ACOT7: variants seen among roughly 807,000 people sequenced by gnomAD.
The protein encoded by ACOT7 is acyl-CoA thioesterase 7.
Under a neutral mutation model 40.2 loss-of-function variants are expected in ACOT7, and 12 were observed. That is an observed-to-expected ratio of 0.30 (90% CI 0.19 to 0.48). ACOT7 has a LOEUF of 0.48. Ranked by LOEUF, ACOT7 falls within the 20% of genes least tolerant of loss-of-function variation. ACOT7 has a pLI of 0.99. For synonymous variants in ACOT7, 228 were observed against 219.5 expected (o/e 1.04, Z -0.34); for missense variants, 395 against 530.8 (o/e 0.74, Z 2.51).
At chr1:6,293,562 GT>G (rs1430731708) in intron 7 of ACOT7, among the ~76,000 whole-genome samples, 3 of 152,222 alleles carry the variant, frequency 2.0e-5, no homozygotes, top group Non-Finnish European at 4.4e-5. Flanking sequence ...TTAGCTGGTT[GT>G]GGTGGTGCAT....
intron 6 of ACOT7, among the ~76,000 whole-genome samples, chr1:6,314,467 C>T (rs1203080326): frequency 1.3e-5 from 2 of 152,056 alleles, no homozygotes; most frequent in Non-Finnish European, 2.9e-5. Context: ...AATGCATGCT[C>T]AAGACTCCTC....
intron 5 of ACOT7, among the ~76,000 whole-genome samples, chr1:6,326,915 T>C (rs774027674): frequency 3.3e-4 from 43 of 130,210 alleles, no homozygotes; most frequent in Middle Eastern, 0.011. Context: ...TTGTGTGACA[T>C]AGCAAGACTC....
At chr1:6,366,742 G>A (rs548730801) in intron 1 of ACOT7, among the ~76,000 whole-genome samples, 1 of 150,996 alleles carries the variant, frequency 6.6e-6, no homozygotes, top group South Asian at 2.1e-4. Context: ...TGCAACCTCC[G>A]TCTCCCGAGT....
At chr1:6,369,375 C>A (rs1242860736) in intron 1 of ACOT7, among the ~76,000 whole-genome samples, 1 of 151,274 alleles carries the variant, frequency 6.6e-6, no homozygotes, top group Non-Finnish European at 1.5e-5. Context: ...ACTATGGCAG[C>A]CAGAGCCCCA....
At position 6,278,664 on chromosome 1, in the gene ACOT7, C is replaced by T. The variant is rs567932577; in HGVS notation, c.1014+2438G>A. ...TTTGGGAGTCAATACAACACACAGG[C>T]GATGCTCGAGGCACAGACCATGGAT... On this transcript the variant is annotated intron_variant, in intron 8 of 8. Coordinates refer to ENST00000361521, the MANE Select transcript of ACOT7 (RefSeq NM_007274.4). This position sits in a 1 kb window ranked among gnomAD's most constrained non-coding sequence, Gnocchi z 4.1. Among the ~76,000 whole-genome samples the T allele has an allele frequency of 3.9e-5, 6 of 152,254 alleles. No homozygotes were observed. In the East Asian group the frequency reaches 7.7e-4, roughly 20 times the overall value.
intron 6 of ACOT7, among the ~76,000 whole-genome samples, chr1:6,318,025 C>T (rs1640544696): frequency 6.6e-6 from 1 of 152,052 alleles, no homozygotes; most frequent in Admixed American, 6.6e-5. Flanking sequence ...ACCTATGGCG[C>T]CCAGCCTGCC....
intron 8 of ACOT7, among the ~76,000 whole-genome samples, chr1:6,268,875 T>C (rs1638933996): frequency 1.3e-5 from 2 of 152,238 alleles, no homozygotes; most frequent in Non-Finnish European, 2.9e-5. Flanking sequence ...TTACCAGAGA[T>C]GTGACCACAG....
In ACOT7 at chr1:6,289,065, G is replaced by A. The variant is rs551320497; in HGVS notation, c.829+5799C>T. On this transcript the variant is annotated intron_variant, in intron 7 of 8. Transcript: ENST00000361521. The surrounding 1 kb of genome is among the most constrained non-coding windows in gnomAD (Gnocchi z 4.6). Reference sequence around the variant, plus strand: ...GGAGAAGCCACCCCACAGGTCTGGCGTCTCCATTCCGCATTCCCACTGTTT... The same window carrying A: ...GGAGAAGCCACCCCACAGGTCTGGCATCTCCATTCCGCATTCCCACTGTTT... Among the ~76,000 whole-genome samples the A allele has an allele frequency of 4.6e-5, 7 of 152,232 alleles. No individual in the cohort carries two copies. Among genetic ancestry groups the A allele is most frequent in the Admixed American group, 2.6e-4 (4 of 15,282 alleles).
At chr1:6,298,121 G>A (rs531711256) in intron 6 of ACOT7, among the ~76,000 whole-genome samples, 1 of 152,232 alleles carries the variant, frequency 6.6e-6, no homozygotes, top group South Asian at 2.1e-4. Flanking sequence ...TGTGCTGGGG[G>A]CATCAGCATC....
chr1:6,346,086 G>A (rs1194682303), intron 2 of ACOT7, among the ~76,000 whole-genome samples: 1 of 152,198 alleles, frequency 6.6e-6, no homozygotes, highest in Non-Finnish European at 1.5e-5. Context: ...AGGCCATCAG[G>A]GGCATGGCCG....
intron 7 of ACOT7, among the ~76,000 whole-genome samples, chr1:6,292,283 G>A (rs1396300687): frequency 6.6e-6 from 1 of 152,274 alleles, no homozygotes; most frequent in African/African-American, 2.4e-5. Flanking sequence ...GCCGAGACGA[G>A]GTGGGGGCCT....
intron 1 of ACOT7, among the ~76,000 whole-genome samples, chr1:6,373,494 G>A (rs958684051): frequency 2.6e-5 from 4 of 151,822 alleles, no homozygotes; most frequent in Admixed American, 1.3e-4. Context: ...CAGGTGATCC[G>A]CCTGCCTCGG....
intron 7 of ACOT7, among the ~76,000 whole-genome samples, chr1:6,286,680 C>G (rs914839734): frequency 6.6e-6 from 1 of 152,222 alleles, no homozygotes; most frequent in Non-Finnish European, 1.5e-5. Flanking sequence ...CCAGCCACGA[C>G]CCACTCACAG....
At chr1:6,312,794 T>C (rs1640376159) in intron 6 of ACOT7, among the ~76,000 whole-genome samples, 1 of 152,234 alleles carries the variant, frequency 6.6e-6, no homozygotes, top group Admixed American at 6.5e-5. Context: ...ATTGTGTGCC[T>C]GTATCAAACC....
chr1:6,273,386 G>C (rs1639091196), intron 8 of ACOT7, among the ~76,000 whole-genome samples: 1 of 152,222 alleles, frequency 6.6e-6, no homozygotes, highest in African/African-American at 2.4e-5. Flanking sequence ...GCTAACCAAT[G>C]AGGCGACAGG....
At chr1:6,310,666 C>T (rs1640306439) in intron 6 of ACOT7, among the ~76,000 whole-genome samples, 1 of 152,220 alleles carries the variant, frequency 6.6e-6, no homozygotes, top group Non-Finnish European at 1.5e-5. Context: ...TTTCTGGGCC[C>T]CAGCCCAGCC....
Position 6,393,443 on chromosome 1 carries a change from G to A in ACOT7, c.-44C>T. 3.6e-6 allele frequency: 4 copies of A among 1,104,172 alleles called. No individual in the cohort carries two copies. The highest frequency in any genetic ancestry group is 5.0e-5 in the South Asian group (1 of 19,994). The allele number at this position is 1,104,172 out of a possible 1,614,324, so 68.4% of individuals were successfully genotyped here. On this transcript the variant is annotated 5_prime_UTR_variant, in exon 1 of 9. Transcript: ENST00000361521. ...TGGAGCGATGGGGCTGGTGAGGCGG[G>A]GCCTGCGCGCCGGGGGCAATCGAAC...
intron 1 of ACOT7, among the ~76,000 whole-genome samples, chr1:6,390,299 G>A (rs533602294): frequency 2.0e-5 from 3 of 152,296 alleles, no homozygotes; most frequent in South Asian, 2.1e-4. Flanking sequence ...GGCCAGGCAC[G>A]GTGGCTCATG....
At chr1:6,285,597 T>C (rs1639479766) in intron 7 of ACOT7, among the ~76,000 whole-genome samples, 1 of 152,230 alleles carries the variant, frequency 6.6e-6, no homozygotes, top group African/African-American at 2.4e-5. Context: ...ATCATGACCA[T>C]GCCCACAGGT....
Sources: allele counts gnomAD v4.1 joint callset (sites outside exome capture counted in the v4.1 genomes callset), GRCh38; gene constraint gnomAD v4.1.1; non-coding constraint Gnocchi (gnomAD v3.1); transcripts MANE v1.5; gene names NCBI Gene and HGNC (gene_info 2026-07-23, HGNC 2026-07-21).